Variants in MTMR4 observed in about 807,000 individuals in gnomAD.
MTMR4 encodes the protein myotubularin related protein 4.
Under a neutral mutation model 125.5 loss-of-function variants are expected in MTMR4, and 30 were observed. The observed-to-expected ratio is 0.24, with a 90% CI of 0.18 to 0.32. The LOEUF (loss-of-function observed/expected upper bound fraction) is 0.32, where lower values mean the gene tolerates loss of function less well. Among genes scored for constraint, MTMR4 ranks in the 10% least tolerant of loss-of-function variants. The probability of loss-of-function intolerance (pLI) is 1.00; values close to 1 mark genes in which losing one functional copy is unlikely to be tolerated. For synonymous variants in MTMR4, 498 were observed against 564.5 expected (o/e 0.88, Z 1.67); for missense variants, 1,039 against 1,511.5 (o/e 0.69, Z 5.18).
At chr17:58,516,699 CT>C (rs2042020726), upstream of MTMR4, 11 of 1,198,762 alleles carry the variant, frequency 9.2e-6, no homozygotes, top group South Asian at 7.3e-5. Flanking sequence ...ACATCTACCC[CT>C]GACCTTCTCT....
chr17:58,497,456 C>G (rs1975500661), intron 14 of MTMR4, among the ~76,000 whole-genome samples: 1 of 152,130 alleles, frequency 6.6e-6, no homozygotes, highest in African/African-American at 2.4e-5. Context: ...TTTAACTTCT[C>G]TACGCCTCAG....
In MTMR4 at chr17:58,495,041, T is replaced by C. The variant is rs764739004; in HGVS notation, c.3143A>G (p.Gln1048Arg). 1.2e-6 allele frequency: 2 copies of C among 1,614,174 alleles called. No individual in the cohort carries two copies. Among genetic ancestry groups the C allele is most frequent in the East Asian group, 2.2e-5 (1 of 44,886 alleles). Residue 1048 changes from glutamine to arginine, a missense_variant, in exon 15 of 18, where the codon CAA (glutamine) becomes CGA (arginine). Around this residue, in one of 6 missense-constraint regions of MTMR4, gnomAD observed 619 missense variants for 714.5 expected, o/e 0.87. Coordinates refer to ENST00000682306, the MANE Select transcript of MTMR4 (RefSeq NM_001378067.1). Reference sequence around the variant, plus strand: ...CTGTCGACGTAGCTGCTCCACCTCTTGTTTGTACCCTGCTTCGATTTGCCG... The same window carrying C: ...CTGTCGACGTAGCTGCTCCACCTCTCGTTTGTACCCTGCTTCGATTTGCCG... ...RLRQIEAGYK[Q>R]EVEQLRRQVR...
intron 17 of MTMR4, 94 bp from the exon 18 acceptor site, chr17:58,491,934 G>T (rs757592828): frequency 2.2e-5 from 27 of 1,222,394 alleles, no homozygotes; most frequent in South Asian, 8.4e-5. Flanking sequence ...ACTTTGGTAG[G>T]CTGAGGCAGT....
Position 58,504,234 on chromosome 17 carries a change from A to T in MTMR4, c.1528-14T>A. The stretch of plus-strand genomic sequence containing the variant: ...CACCAGTTTTACCTAGAAAGCAGAG[A>T]GAGCTTGCACCTGGGGGCCTCGGGC... On this transcript the variant is annotated splice_polypyrimidine_tract_variant and intron_variant, in intron 12 of 17. Coordinates refer to ENST00000682306, the MANE Select transcript of MTMR4 (RefSeq NM_001378067.1). The surrounding 1 kb of genome is among the most constrained non-coding windows in gnomAD (Gnocchi z 7.1). The T allele has an allele frequency of 6.2e-7, 1 of 1,603,322 alleles. No homozygotes were observed. The highest frequency in any genetic ancestry group is 1.1e-5 in the South Asian group (1 of 90,658).
Position 58,495,258 on chromosome 17 carries a change from G to A in MTMR4, c.2926C>T (p.Pro976Ser), listed in dbSNP as rs1975426549. ...QWAQREGVKS[P>S]VCSSHSNGHC... ...CCATTGGAATGACTAGAACAGACAG[G>A]TGACTTCACACCTTCTCTCTGAGCC... Residue 976 changes from proline to serine, a missense_variant, in exon 15 of 18, where the codon CCT (proline) becomes TCT (serine). Pro to Ser is a moderately conservative substitution (Grantham distance 74). Around this residue, in one of 6 missense-constraint regions of MTMR4, gnomAD observed 619 missense variants for 714.5 expected, o/e 0.87. Coordinates refer to ENST00000682306, the MANE Select transcript of MTMR4 (RefSeq NM_001378067.1). 3 of 1,614,158 alleles carry A rather than the reference G, an allele frequency of 1.9e-6. No individual in the cohort carries two copies. The African/African-American group carries it at 4.0e-5, about 22-fold the overall frequency.
rs1975458461 is a variant in MTMR4 at position 58,496,062 on chromosome 17, T to G, written c.2122A>C (p.Ser708Arg). ...KDYLSNKPFK[S>R]HKSCSPSYKL... ...TAACTTGGAGAACAGCTTTTGTGAC[T>G]CTTGAAAGGTTTATTGCTCAAGTAG... Residue 708 changes from serine (S) to arginine (R), a missense_variant, in exon 15 of 18, where the codon AGT (serine) becomes CGT (arginine). Ser to Arg is a moderately radical substitution (Grantham distance 110, BLOSUM62 -1). Around this residue, in one of 6 missense-constraint regions of MTMR4, gnomAD observed 619 missense variants for 714.5 expected, o/e 0.87. Coordinates refer to ENST00000682306, the MANE Select transcript of MTMR4 (RefSeq NM_001378067.1). 3 of 1,614,054 alleles carry G rather than the reference T, an allele frequency of 1.9e-6. No individual in the cohort carries two copies. Among genetic ancestry groups the G allele is most frequent in the Non-Finnish European group, 2.5e-6 (3 of 1,180,028 alleles).
chr17:58,506,942 C>A, intron 8 of MTMR4, 71 bp from the exon 9 acceptor site: 1 of 1,575,642 alleles, frequency 6.3e-7, no homozygotes, highest in Non-Finnish European at 8.6e-7. Context: ...TCTGGCACTC[C>A]CTCTCAGAAG....
chr17:58,496,071 G>A lies in MTMR4; in HGVS notation c.2113C>T (p.Pro705Ser), dbSNP rs137947756. ...GAACAGCTTTTGTGACTCTTGAAAG[G>A]TTTATTGCTCAAGTAGTCTTTCTGG... is the stretch of plus-strand genomic sequence containing the variant. ...SSQKDYLSNK[P>S]FKSHKSCSPS... is the part of the protein sequence containing the mutation. The change falls in exon 15 of 18, where the codon CCT becomes TCT. Residue 705 changes from proline (P) to serine (S), a missense_variant. Physicochemically the swap from Pro to Ser is moderately conservative, Grantham distance 74. Transcript: ENST00000682306. 1.9e-6 allele frequency: 3 copies of A among 1,614,188 alleles called. No individual in the cohort carries two copies. The highest frequency in any genetic ancestry group is 2.7e-5 in the African/African-American group (2 of 75,042).
chr17:58,492,952 T>G lies in MTMR4; in HGVS notation c.3253A>C (p.Thr1085Pro). The stretch of plus-strand genomic sequence containing the variant: ...CTGCCATCTGACTCCTTCAAACATG[T>G]CTGATGAAAAGGCAAAGACAACAAA... The part of the protein sequence containing the change: ...EPPMDYEDDF[T>P]CLKESDGSDT... Residue 1085 changes from threonine (T) to proline (P), a missense_variant and splice_region_variant, in exon 16 of 18, where the codon ACA becomes CCA. This residue lies in a region of MTMR4 where 619 missense variants were observed against 714.5 expected (regional missense o/e 0.87). Transcript: ENST00000682306. 1 of 1,613,656 alleles carries G rather than the reference T, an allele frequency of 6.2e-7. No individual in the cohort carries two copies. Among genetic ancestry groups the G allele is most frequent in the South Asian group, 1.1e-5 (1 of 91,078 alleles).
At position 58,512,420 on chromosome 17, in the gene MTMR4, C is replaced by T. The variant is rs1224429162; in HGVS notation, c.222G>A (p.Leu74=). ...TGACAGAGTCCTTGAATTTGATATG[C>T]AGCCGGTAGTTAGAGATGGCAATGA... ...DALIAISNYR[L]HIKFKDSVIN... is the part of the protein sequence containing the mutation. The change falls in exon 3 of 18, where the codon CTG becomes CTA. Residue 74 remains leucine, a synonymous_variant. Transcript: ENST00000682306. The surrounding 1 kb of genome is among the most constrained non-coding windows in gnomAD (Gnocchi z 4.1). 3 of 1,614,026 alleles carry T rather than the reference C, an allele frequency of 1.9e-6. No homozygotes were observed. The African/African-American group carries it at 4.0e-5, about 22-fold the overall frequency.
At chr17:58,492,819 A>G (rs1975350222) in intron 16 of MTMR4, 23 bp downstream of exon 16, 1 of 1,593,684 alleles carries the variant, frequency 6.3e-7, no homozygotes, top group Non-Finnish European at 8.6e-7. Flanking sequence ...GTAAGTACCC[A>G]CCACATATGT....
rs558799581 is a variant in MTMR4, at chr17:58,494,189, G to A, written c.3252+743C>T. Among the ~76,000 whole-genome samples, 4 of 152,060 alleles carry A rather than the reference G, an allele frequency of 2.6e-5. No homozygotes were observed. In the South Asian group the frequency reaches 6.2e-4, roughly 24 times the overall value. The stretch of plus-strand genomic sequence containing the variant: ...AAAAAAATTAGCTGGGCATGGTGGC[G>A]GGCGCCTGTAGTCCCAGCTACTCAG... On this transcript the variant is annotated intron_variant, in intron 15 of 17. Coordinates refer to ENST00000682306, the MANE Select transcript of MTMR4 (RefSeq NM_001378067.1).
intron 17 of MTMR4, 25 bp from the exon 18 acceptor site, chr17:58,491,865 G>C: frequency 6.2e-7 from 1 of 1,605,480 alleles, no homozygotes; most frequent in Non-Finnish European, 8.5e-7. Flanking sequence ...AGAGGGAAGA[G>C]TTCATCAGAA....
upstream of MTMR4, chr17:58,514,955 A>G (rs182334647): frequency 6.4e-5 from 61 of 947,392 alleles, no homozygotes; most frequent in African/African-American, 1.1e-3. Context: ...CCCGCACCCC[A>G]TTTGCTTCCT....
In MTMR4 at chr17:58,514,452, G is replaced by C. The variant is rs1976028780; in HGVS notation, c.-45C>G. ...CAGCGCACATGTCCCCGGAGCCGCT[G>C]CGCTGCCCGCCAGCCCCGGGCGCCC... On this transcript the variant is annotated 5_prime_UTR_variant, in exon 1 of 18. Coordinates refer to ENST00000682306, the MANE Select transcript of MTMR4 (RefSeq NM_001378067.1). The C allele has an allele frequency of 1.0e-6, 1 of 984,950 alleles. No individual in the cohort carries two copies. Among genetic ancestry groups the C allele is most frequent in the African/African-American group, 1.7e-5 (1 of 57,168 alleles). 61.0% of individuals were successfully genotyped at this position (984,950 alleles called of 1,614,324 possible). A position where few individuals can be genotyped will look rare whatever the true frequency, so the allele number is the denominator to read the frequency against.
In MTMR4 at chr17:58,512,160, A is replaced by G. The variant is rs752037102; in HGVS notation, c.252+230T>C. Among the ~76,000 whole-genome samples the G allele has an allele frequency of 5.3e-5, 8 of 152,010 alleles. No individual in the cohort carries two copies. Among genetic ancestry groups the G allele is most frequent in the Non-Finnish European group, 8.8e-5 (6 of 67,994 alleles). The stretch of plus-strand genomic sequence containing the variant: ...ACCACCAAGCCCGACTAATTTTTGT[A>G]TTGTTAGTAGAGACACAGTTTCACC... On this transcript the variant is annotated intron_variant, in intron 3 of 17. Transcript: ENST00000682306. The surrounding 1 kb of genome is among the most constrained non-coding windows in gnomAD (Gnocchi z 4.1).
Position 58,508,977 on chromosome 17 carries a change from C to T in MTMR4, c.336-136G>A, listed in dbSNP as rs989291412. 1.1e-6 allele frequency: 1 copy of T among 943,208 alleles called. No homozygotes were observed. The highest frequency in any genetic ancestry group is 2.8e-5 in the Admixed American group (1 of 36,254). The allele number at this position is 943,208 out of a possible 1,614,324, so 58.4% of individuals were successfully genotyped here. On this transcript the variant is annotated intron_variant, in intron 4 of 17. Coordinates refer to ENST00000682306, the MANE Select transcript of MTMR4 (RefSeq NM_001378067.1). This position sits in a 1 kb window ranked among gnomAD's most constrained non-coding sequence, Gnocchi z 4.8. ...AGCAAGAGGTAAAGCAGTGGGGACC[C>T]AGGGTGGGGGGACGAGGGACACTGG...
chr17:58,502,740 A>G (rs564091036), intron 14 of MTMR4, among the ~76,000 whole-genome samples: 1 of 152,370 alleles, frequency 6.6e-6, no homozygotes, highest in Non-Finnish European at 1.5e-5. Flanking sequence ...ATGTTTCCAT[A>G]TGAAAGCGTG....
Position 58,490,957 on chromosome 17 carries a change from T to C in MTMR4, c.*706A>G, listed in dbSNP as rs1294789489. The C allele has an allele frequency of 6.6e-6, 1 of 152,650 alleles. No individual in the cohort carries two copies. Among genetic ancestry groups the C allele is most frequent in the Non-Finnish European group, 1.5e-5 (1 of 68,076 alleles). The allele number at this position is 152,650 out of a possible 1,614,324, so 9.5% of individuals were successfully genotyped here. A position where few individuals can be genotyped will look rare whatever the true frequency, so the allele number is the denominator to read the frequency against. On this transcript the variant is annotated 3_prime_UTR_variant, in exon 18 of 18. Coordinates refer to ENST00000682306, the MANE Select transcript of MTMR4 (RefSeq NM_001378067.1). Reference sequence around the variant, plus strand: ...GCCTTCACAGCTCAAAATAACTCAATGTTTGCCAGGACCGAACATCAGCAG... The same window carrying C: ...GCCTTCACAGCTCAAAATAACTCAACGTTTGCCAGGACCGAACATCAGCAG...
Sources: allele counts gnomAD v4.1 joint callset (sites outside exome capture counted in the v4.1 genomes callset), GRCh38; gene constraint gnomAD v4.1.1; regional missense constraint gnomAD v4.1.1; non-coding constraint Gnocchi (gnomAD v3.1); transcripts MANE v1.5; gene names NCBI Gene and HGNC (gene_info 2026-07-23, HGNC 2026-07-21).